NR3C1: variants seen among roughly 807,000 people sequenced by gnomAD.
The protein encoded by NR3C1 is glucocorticoid receptor.
NR3C1 carries 14 observed loss-of-function variants against 74.0 expected under a neutral mutation model. That is an observed-to-expected ratio of 0.19 (90% CI 0.12 to 0.30). The LOEUF is 0.30. Among genes scored for constraint, NR3C1 ranks in the 10% least tolerant of loss-of-function variants. The probability of loss-of-function intolerance (pLI) is 1.00; values close to 1 mark genes in which losing one functional copy is unlikely to be tolerated. For synonymous variants in NR3C1, 308 were observed against 332.5 expected (o/e 0.93, Z 0.80); for missense variants, 695 against 909.8 (o/e 0.76, Z 3.04).
At chr5:143,378,225 T>C (rs1048466858) in intron 2 of NR3C1, among the ~76,000 whole-genome samples, 3 of 152,238 alleles carry the variant, frequency 2.0e-5, no homozygotes, top group African/African-American at 7.2e-5. Context: ...CACTCCAGCC[T>C]GGGTAACAGA....
At chr5:143,366,874 A>G (rs981352285) in intron 2 of NR3C1, among the ~76,000 whole-genome samples, 3 of 152,206 alleles carry the variant, frequency 2.0e-5, no homozygotes, top group Non-Finnish European at 2.9e-5. Flanking sequence ...AAATGTTTAA[A>G]GAACAATTAC....
At chr5:143,366,073 A>G (rs1833121893) in intron 2 of NR3C1, among the ~76,000 whole-genome samples, 1 of 152,234 alleles carries the variant, frequency 6.6e-6, no homozygotes, top group Admixed American at 6.5e-5. Context: ...AAGAATTCAA[A>G]TCAGGAACTT....
In NR3C1 at chr5:143,281,832, A is replaced by ATACAATAAAAGCTAT. The variant is rs1813159825; in HGVS notation, c.*42_*56dup. The ATACAATAAAAGCTAT allele has an allele frequency of 1.3e-6, 2 of 1,493,308 alleles. No homozygotes were observed. The highest frequency in any genetic ancestry group is 1.9e-6 in the Non-Finnish European group (2 of 1,072,544). 92.5% of individuals were successfully genotyped at this position (1,493,308 alleles called of 1,614,324 possible). ...CCTCTACAGGACAAACTGATAGTTT[A>ATACAATAAAAGCTAT]TACAATAAAAGCTATTAATTCGACT... is the stretch of plus-strand genomic sequence containing the variant. On this transcript the variant is annotated 3_prime_UTR_variant, in exon 9 of 9. Transcript: ENST00000394464.
At chr5:143,309,629 GTTT>G (rs200870548) in intron 4 of NR3C1, among the ~76,000 whole-genome samples, 1 of 148,990 alleles carries the variant, frequency 6.7e-6, no homozygotes, top group Non-Finnish European at 1.5e-5. Context: ...CTTCCTTGAG[GTTT>G]TTTTTTTCCC....
intron 2 of NR3C1, among the ~76,000 whole-genome samples, chr5:143,385,841 C>T (rs1417555643): frequency 6.6e-6 from 1 of 152,208 alleles, no homozygotes; most frequent in African/African-American, 2.4e-5. Flanking sequence ...ACTGTTGCAA[C>T]CTCTGCCCAT....
chr5:143,422,379 C>T (rs1751283304), intron 1 of NR3C1, among the ~76,000 whole-genome samples: 1 of 152,106 alleles, frequency 6.6e-6, no homozygotes, highest in Admixed American at 6.6e-5. Context: ...CGTTGTATGA[C>T]CTTGAGAAAA....
At chr5:143,431,481 T>C (rs1476803125) in intron 1 of NR3C1, among the ~76,000 whole-genome samples, 1 of 151,438 alleles carries the variant, frequency 6.6e-6, no homozygotes, top group Non-Finnish European at 1.5e-5. Flanking sequence ...GAACATCACA[T>C]ACCCGGGCCT....
chr5:143,308,502 A>G (rs1820152940), intron 4 of NR3C1, among the ~76,000 whole-genome samples: 2 of 152,010 alleles, frequency 1.3e-5, no homozygotes, highest in Admixed American at 6.6e-5. Flanking sequence ...AAAAGGAACC[A>G]CATGGTTTCC....
chr5:143,404,122 C>T (rs36208517), upstream of NR3C1: 1,001 of 985,402 alleles, frequency 1.0e-3, 3 homozygotes, highest in Middle Eastern at 6.3e-3. Flanking sequence ...GCGGCAAGCG[C>T]CGCCAGTGCC....
chr5:143,407,260 A>T (rs1379476449), upstream of NR3C1: 1 of 152,238 alleles, frequency 6.6e-6, no homozygotes, highest in Non-Finnish European at 1.5e-5. Context: ...TCAACTAGTT[A>T]ACTAGATGTA....
At chr5:143,378,261 AAAT>A (rs1163051480) in intron 2 of NR3C1, among the ~76,000 whole-genome samples, 1 of 152,090 alleles carries the variant, frequency 6.6e-6, no homozygotes, top group Admixed American at 6.6e-5. Context: ...TTAAAAAAAT[AAAT>A]AATACAAAAT....
In NR3C1 at chr5:143,300,927, T is replaced by A. The variant is rs964618612; in HGVS notation, c.1469-164A>T. ...ACATGGAAAAGGAGAAAAAACTTTT[T>A]TTTTTCTGAAAGCAAAAGATCCAGA... On this transcript the variant is annotated intron_variant, in intron 4 of 8. Coordinates refer to ENST00000394464, the MANE Select transcript of NR3C1 (RefSeq NM_000176.3). This position sits in a 1 kb window ranked among gnomAD's most constrained non-coding sequence, Gnocchi z 5.2. Among the ~76,000 whole-genome samples, 1 of 152,148 alleles carries A rather than the reference T, an allele frequency of 6.6e-6. No homozygotes were observed. The highest frequency in any genetic ancestry group is 2.4e-5 in the African/African-American group (1 of 41,432).
At chr5:143,289,954 C>G (rs1815474308) in intron 7 of NR3C1, among the ~76,000 whole-genome samples, 1 of 152,120 alleles carries the variant, frequency 6.6e-6, no homozygotes, top group South Asian at 2.1e-4. Context: ...TCTCACACCT[C>G]AGTATTGACC....
Position 143,279,659 on chromosome 5 carries a change from A to C in NR3C1, c.*2230T>G. On this transcript the variant is annotated 3_prime_UTR_variant, in exon 9 of 9. Transcript: ENST00000394464. ...CAAAAAGCATTCAAAGAAAACAAAA[A>C]CATGTCCTCATTTTATTTGGAAATA... 1 of 393,096 alleles carries C rather than the reference A, an allele frequency of 2.5e-6. No individual in the cohort carries two copies. The allele number at this position is 393,096 out of a possible 1,614,324, so 24.4% of individuals were successfully genotyped here.
chr5:143,435,380 T>C, exon 1 of NR3C1: 1 of 985,462 alleles, frequency 1.0e-6, no homozygotes, highest in Non-Finnish European at 1.2e-6. Flanking sequence ...GTGTTGCAAT[T>C]TCCCCAGCAG....
intron 2 of NR3C1, among the ~76,000 whole-genome samples, chr5:143,374,697 A>G (rs1037833565): frequency 1.3e-5 from 2 of 152,080 alleles, no homozygotes; most frequent in Non-Finnish European, 2.9e-5. Flanking sequence ...AGTCAAAAAA[A>G]ACAGTGAGTC....
rs1826217682 is a variant in NR3C1, at chr5:143,332,613, G to C, written c.1185-18445C>G. The C allele has an allele frequency of 2.1e-6, 3 of 1,437,460 alleles. No homozygotes were observed. The Admixed American group carries it at 5.9e-5, about 28-fold the overall frequency. 89.0% of individuals were successfully genotyped at this position (1,437,460 alleles called of 1,614,324 possible). A position where few individuals can be genotyped will look rare whatever the true frequency, so the allele number is the denominator to read the frequency against. On this transcript the variant is annotated intron_variant, in intron 2 of 8. Coordinates refer to ENST00000394464, the MANE Select transcript of NR3C1 (RefSeq NM_000176.3). ...CTGCACCACTAGAAAGATGGCAGTA[G>C]CAAGACAGAAGAAAGGAAAAGGGCT... is the stretch of plus-strand genomic sequence containing the variant.
intron 2 of NR3C1, among the ~76,000 whole-genome samples, chr5:143,361,727 C>T (rs542942615): frequency 1.3e-5 from 2 of 152,246 alleles, no homozygotes; most frequent in East Asian, 1.9e-4. Context: ...AGATGTCCCA[C>T]GAATAACAGT....
Position 143,403,348 on chromosome 5 carries a change from C to T in NR3C1, c.-151G>A, listed in dbSNP as rs1840717487. ...CTAAAAAAAGGAAGTAAACAGCCGC[C>T]CCTTTCTCCATGGGTGGGGGGAGAG... On this transcript the variant is annotated 5_prime_UTR_variant, in exon 1 of 9. Coordinates refer to ENST00000394464, the MANE Select transcript of NR3C1 (RefSeq NM_000176.3). 2.0e-6 allele frequency: 2 copies of T among 985,368 alleles called. No individual in the cohort carries two copies. The highest frequency in any genetic ancestry group is 9.4e-5 in the South Asian group (2 of 21,300). The allele number at this position is 985,368 out of a possible 1,614,324, so 61.0% of individuals were successfully genotyped here.
Sources: gnomAD v4.1 joint callset for allele counts (sites outside exome capture counted in the v4.1 genomes callset) on GRCh38, gnomAD v4.1.1 for gene constraint, Gnocchi (gnomAD v3.1) non-coding constraint, MANE v1.5 for transcripts, NCBI Gene and HGNC (gene_info 2026-07-23, HGNC 2026-07-21) for gene names.